The following PHLPP2 variants were observed in gnomAD, a reference collection of about 807,000 sequenced individuals.
The protein encoded by PHLPP2 is PH domain and leucine rich repeat protein phosphatase 2, also known as PH domain leucine-rich repeat-containing protein phosphatase 2.
Under a neutral mutation model 124.9 loss-of-function variants are expected in PHLPP2, and 66 were observed. That is an observed-to-expected ratio of 0.53 (90% CI 0.43 to 0.65). The LOEUF is 0.65. Among genes scored for constraint, PHLPP2 ranks in the 30% least tolerant of loss-of-function variants. The pLI, the probability that PHLPP2 is intolerant of heterozygous loss-of-function variation, is 0.00. For synonymous variants in PHLPP2, 681 were observed against 624.7 expected, an observed-to-expected ratio of 1.09 and a Z score of -1.34; for missense variants, 1,685 against 1,600.4, an observed-to-expected ratio of 1.05 and a Z score of -0.90.
intron 2 of PHLPP2, among the ~76,000 whole-genome samples, chr16:71,709,362 G>A (rs1247750220): frequency 6.6e-6 from 1 of 151,802 alleles, no homozygotes; most frequent in Admixed American, 6.6e-5. Context: ...CACCCTATTG[G>A]TTCTAAACTA....
Position 71,646,489 on chromosome 16 carries a change from T to C in PHLPP2, c.*2401A>G, listed in dbSNP as rs961666096. ...TTTCAGAACTGGGTTTTGAGGTGGT[T>C]CCAATAAGTAGGTTGGGAAACGAAT... On this transcript the variant is annotated 3_prime_UTR_variant, in exon 19 of 19. Transcript: ENST00000568954. 6.6e-6 allele frequency: 1 copy of C among 152,150 alleles called. No individual in the cohort carries two copies. The highest frequency in any genetic ancestry group is 1.5e-5 in the Non-Finnish European group (1 of 68,034). 9.4% of individuals were successfully genotyped at this position (152,150 alleles called of 1,614,324 possible).
intron 16 of PHLPP2, 143 bp from the exon 17 acceptor site, chr16:71,655,577 A>ACTG: frequency 3.4e-6 from 2 of 586,910 alleles, no homozygotes; most frequent in Non-Finnish European, 5.8e-6. Context: ...ATCTTGCCTC[A>ACTG]CTGCAAGCTC....
At chr16:71,684,846 T>G (rs767196792) in intron 4 of PHLPP2, among the ~76,000 whole-genome samples, 3 of 152,184 alleles carry the variant, frequency 2.0e-5, no homozygotes, top group Non-Finnish European at 4.4e-5. Flanking sequence ...TAGCACCTCT[T>G]GTCCTCAGGA....
At chr16:71,684,149 T>C (rs1336477115) in intron 5 of PHLPP2, among the ~76,000 whole-genome samples, 2 of 138,396 alleles carry the variant, frequency 1.4e-5, no homozygotes, top group East Asian at 2.3e-4. Context: ...TTTTTTGAGA[T>C]AGAGTCTTGC....
At chr16:71,694,127 G>A (rs1400770215) in intron 3 of PHLPP2, among the ~76,000 whole-genome samples, 2 of 152,124 alleles carry the variant, frequency 1.3e-5, no homozygotes, top group Non-Finnish European at 2.9e-5. Context: ...CAGGGAGGTA[G>A]AAGCTGCAGT....
chr16:71,670,695 A>ACACACACACACACACACACACACACAC (rs372978115), intron 10 of PHLPP2, among the ~76,000 whole-genome samples: 13 of 128,940 alleles, frequency 1.0e-4, no homozygotes, highest in African/African-American at 3.9e-4. Flanking sequence ...AGAGGCTGAA[A>ACACACACACACACACACACACACACAC]ACACACACAC....
At chr16:71,684,970 G>A (rs922216934) in intron 4 of PHLPP2, among the ~76,000 whole-genome samples, 1 of 152,086 alleles carries the variant, frequency 6.6e-6, no homozygotes, top group African/African-American at 2.4e-5. Flanking sequence ...GAGAAAAGAG[G>A]CAAAAACCTC....
At chr16:71,701,446 C>T (rs536408368) in intron 3 of PHLPP2, among the ~76,000 whole-genome samples, 18 of 152,252 alleles carry the variant, frequency 1.2e-4, no homozygotes, top group Non-Finnish European at 2.5e-4. Context: ...ACCATACTAG[C>T]TTTTCTATGT....
At position 71,646,184 on chromosome 16, in the gene PHLPP2, C is replaced by A. The variant is rs1284564916; in HGVS notation, c.*2706G>T. The stretch of plus-strand genomic sequence containing the variant: ...TTTCACTGACAGCCTGTTTAGAAAA[C>A]ACAATGTCTGTAAGTTACCTCATAG... On this transcript the variant is annotated 3_prime_UTR_variant, in exon 19 of 19. Coordinates refer to ENST00000568954, the MANE Select transcript of PHLPP2 (RefSeq NM_015020.3). 1 of 152,604 alleles carries A rather than the reference C, an allele frequency of 6.6e-6. No individual in the cohort carries two copies. The highest frequency in any genetic ancestry group is 1.5e-5 in the Non-Finnish European group (1 of 68,036). The allele number at this position is 152,604 out of a possible 1,614,324, so 9.5% of individuals were successfully genotyped here.
intron 6 of PHLPP2, among the ~76,000 whole-genome samples, chr16:71,679,996 T>C (rs1159956029): frequency 6.6e-6 from 1 of 151,244 alleles, no homozygotes; most frequent in Non-Finnish European, 1.5e-5. Context: ...GGGAGGAGAA[T>C]GGCATCAACC....
rs761007726 is a variant in PHLPP2, at chr16:71,714,496, A to G, written c.284+16T>C. ...TATATTACGGTAGAATTAGAGTGGT[A>G]AAACTGAGACCTCACCTGACCAGGT... On this transcript the variant is annotated intron_variant, in intron 2 of 18. Coordinates refer to ENST00000568954, the MANE Select transcript of PHLPP2 (RefSeq NM_015020.3). The G allele has an allele frequency of 1.3e-6, 2 of 1,576,490 alleles. No homozygotes were observed. The highest frequency in any genetic ancestry group is 1.4e-5 in the African/African-American group (1 of 73,662).
In PHLPP2 at chr16:71,647,904, C is replaced by T. The variant is rs558783898; in HGVS notation, c.*986G>A. ...GCCCTTCCTATACCCTCGAATAAGT[C>T]TCCAACACCCAGTTCTCTCTCTGCC... On this transcript the variant is annotated 3_prime_UTR_variant, in exon 19 of 19. Coordinates refer to ENST00000568954, the MANE Select transcript of PHLPP2 (RefSeq NM_015020.3). 1 of 152,742 alleles carries T rather than the reference C, an allele frequency of 6.5e-6. No individual in the cohort carries two copies. Among genetic ancestry groups the T allele is most frequent in the East Asian group, 1.9e-4 (1 of 5,186 alleles). 9.5% of individuals were successfully genotyped at this position (152,742 alleles called of 1,614,324 possible).
intron 13 of PHLPP2, 48 bp downstream of exon 13, chr16:71,663,851 G>C: frequency 7.3e-7 from 1 of 1,375,200 alleles, no homozygotes; most frequent in Non-Finnish European, 1.0e-6. Context: ...GACAAATATA[G>C]AATTAATGTT....
chr16:71,678,565 G>A (rs542183224), intron 8 of PHLPP2, 190 bp downstream of exon 8: 36 of 551,822 alleles, frequency 6.5e-5, no homozygotes, highest in Admixed American at 3.3e-4. Context: ...GCCTGAGAAC[G>A]GGAGGTCAAG....
rs565790398 is a variant in PHLPP2, at chr16:71,674,683, T to A, written c.1471+1764A>T. Among the ~76,000 whole-genome samples, 211 of 152,300 alleles carry A rather than the reference T, an allele frequency of 1.4e-3. 1 individual carries two copies. The highest frequency in any genetic ancestry group is 4.8e-3 in the African/African-American group (200 of 41,568). On this transcript the variant is annotated intron_variant, in intron 9 of 18. Transcript: ENST00000568954. ...TTGCATGAATATATCACTACCGATT[T>A]GCCCATTTTCCTATTAATAATCCTA...
chr16:71,697,603 G>A (rs541874661), intron 3 of PHLPP2, among the ~76,000 whole-genome samples: 16 of 152,156 alleles, frequency 1.1e-4, no homozygotes, highest in South Asian at 2.1e-4. Context: ...ATTCTTTTGC[G>A]TCTGGCTTCT....
chr16:71,659,506 C>T (rs529476961), intron 13 of PHLPP2, among the ~76,000 whole-genome samples: 9 of 152,324 alleles, frequency 5.9e-5, no homozygotes, highest in African/African-American at 1.9e-4. Context: ...CCACCTCAGC[C>T]TCCCAAAGTG....
At chr16:71,660,561 G>A (rs942347646) in intron 13 of PHLPP2, among the ~76,000 whole-genome samples, 5 of 151,268 alleles carry the variant, frequency 3.3e-5, no homozygotes, top group Non-Finnish European at 7.4e-5. Flanking sequence ...AAGTAGCTGG[G>A]ACTACAGGCA....
chr16:71,665,153 CA>C (rs1240878163), intron 12 of PHLPP2, among the ~76,000 whole-genome samples: 5 of 150,236 alleles, frequency 3.3e-5, no homozygotes, highest in Admixed American at 1.3e-4. Flanking sequence ...ACTAAAAATA[CA>C]AAAAAAAAGC....
Sources: allele counts gnomAD v4.1 joint callset (sites outside exome capture counted in the v4.1 genomes callset), GRCh38; gene constraint gnomAD v4.1.1; transcripts MANE v1.5; gene names NCBI Gene and HGNC (gene_info 2026-07-23, HGNC 2026-07-21).